WWOX: variants seen among roughly 807,000 people sequenced by gnomAD.
WWOX encodes WW domain-containing oxidoreductase.
A neutral mutation model predicts 46.2 loss-of-function variants in WWOX; 69 were observed. The observed-to-expected ratio is 1.49, with a 90% CI of 1.23 to 1.82. The LOEUF (loss-of-function observed/expected upper bound fraction) is 1.82. Among genes scored for constraint, WWOX ranks in the 40% most tolerant of loss-of-function variants. The pLI is 0.00. For missense variants in WWOX, 919 were observed against 542.6 expected (o/e 1.69, Z -6.89); for synonymous variants, 359 against 202.6 (o/e 1.77, Z -6.56).
At position 78,501,163 on chromosome 16, in the gene WWOX, A is replaced by G. The variant is rs181291714; in HGVS notation, c.1056+68411A>G. 5.3e-3 allele frequency among the ~76,000 whole-genome samples: 634 copies of G among 120,348 alleles called. 5 individuals carry two copies. Among genetic ancestry groups the G allele is most frequent in the African/African-American group, 0.018 (606 of 33,936 alleles). The allele number at this position is 120,348 out of a possible 152,430, so 79.0% of individuals were successfully genotyped here. A position where few individuals can be genotyped will look rare whatever the true frequency, so the allele number is the denominator to read the frequency against. Reference sequence around the variant, plus strand: ...TGAACATAAATACCCTCACTGCAATACATGTTTTTCTTTCTCTCTCTTTCT... The same window carrying G: ...TGAACATAAATACCCTCACTGCAATGCATGTTTTTCTTTCTCTCTCTTTCT... On this transcript the variant is annotated intron_variant, in intron 8 of 8. Transcript: ENST00000566780.
At chr16:78,102,410 T>C (rs1371091404) in intron 1 of WWOX, among the ~76,000 whole-genome samples, 2 of 152,186 alleles carry the variant, frequency 1.3e-5, no homozygotes, top group African/African-American at 4.8e-5. Flanking sequence ...AAGCTTGGGC[T>C]CTGTTGGCAG....
At chr16:78,277,817 G>A (rs2079607585) in intron 5 of WWOX, among the ~76,000 whole-genome samples, 1 of 152,168 alleles carries the variant, frequency 6.6e-6, no homozygotes, top group Non-Finnish European at 1.5e-5. Context: ...GATACATTTT[G>A]AAATCTGGAA....
At chr16:78,586,182 C>T (rs893708518) in intron 8 of WWOX, among the ~76,000 whole-genome samples, 2 of 152,054 alleles carry the variant, frequency 1.3e-5, no homozygotes, top group African/African-American at 4.8e-5. Flanking sequence ...CATAGCGAGA[C>T]CCTGTTTCTT....
chr16:78,638,116 C>T (rs867595549), intron 8 of WWOX, among the ~76,000 whole-genome samples: 1 of 152,216 alleles, frequency 6.6e-6, no homozygotes, highest in Admixed American at 6.5e-5. Flanking sequence ...ATTCTAATAA[C>T]TGCCCAATAT....
chr16:78,545,677 G>A (rs111919597), intron 8 of WWOX, among the ~76,000 whole-genome samples: 1 of 152,286 alleles, frequency 6.6e-6, no homozygotes, highest in East Asian at 1.9e-4. Flanking sequence ...TGGCTAACAT[G>A]ACAAAATACC....
chr16:79,047,502 A>G (rs973177991), intron 8 of WWOX, among the ~76,000 whole-genome samples: 1 of 147,574 alleles, frequency 6.8e-6, no homozygotes, highest in Non-Finnish European at 1.5e-5. Flanking sequence ...TCGTTAATGC[A>G]CAAATACCTG....
At chr16:79,083,637 TAGGTTCGAAGGAAAACA>T (rs1159369600) in intron 8 of WWOX, among the ~76,000 whole-genome samples, 1 of 152,122 alleles carries the variant, frequency 6.6e-6, no homozygotes, top group Non-Finnish European at 1.5e-5. Flanking sequence ...ATAAGACAGT[TAGGTTCGAAGGAAAACA>T]AAGACAATTG....
intron 8 of WWOX, among the ~76,000 whole-genome samples, chr16:78,850,929 C>A (rs78240162): frequency 2.0e-4 from 30 of 152,134 alleles, no homozygotes; most frequent in African/African-American, 7.2e-4. Flanking sequence ...AATAAGGAAT[C>A]GGGATGGCAG....
intron 8 of WWOX, among the ~76,000 whole-genome samples, chr16:78,675,228 A>C (rs1258639966): frequency 6.6e-6 from 1 of 152,136 alleles, no homozygotes; most frequent in South Asian, 2.1e-4. Context: ...GACTCACTCA[A>C]GATCACGTGG....
At chr16:78,622,606 G>T (rs1260484147) in intron 8 of WWOX, among the ~76,000 whole-genome samples, 1 of 151,656 alleles carries the variant, frequency 6.6e-6, no homozygotes, top group Non-Finnish European at 1.5e-5. Context: ...CCCTAAGACG[G>T]CCCCAGTGAT....
intron 4 of WWOX, among the ~76,000 whole-genome samples, chr16:78,158,075 G>A (rs2034665087): frequency 1.3e-5 from 2 of 152,214 alleles, no homozygotes; most frequent in African/African-American, 4.8e-5. Context: ...AGCAACACAA[G>A]TGTGTCCAAC....
At chr16:78,335,494 A>G (rs530686915) in intron 5 of WWOX, among the ~76,000 whole-genome samples, 3 of 152,278 alleles carry the variant, frequency 2.0e-5, no homozygotes, top group South Asian at 4.1e-4. Flanking sequence ...TCCATGGTAT[A>G]TATGTACCAT....
chr16:78,120,259 C>A (rs1286330936), intron 4 of WWOX, among the ~76,000 whole-genome samples: 2 of 152,080 alleles, frequency 1.3e-5, no homozygotes, highest in Non-Finnish European at 2.9e-5. Context: ...ATTTGTTTTC[C>A]TTGAAACAAA....
chr16:79,070,828 C>T (rs1368221911), intron 8 of WWOX, among the ~76,000 whole-genome samples: 3 of 152,144 alleles, frequency 2.0e-5, no homozygotes, highest in African/African-American at 7.2e-5. Flanking sequence ...ATTAGTGATT[C>T]TATATTGGTG....
intron 8 of WWOX, among the ~76,000 whole-genome samples, chr16:78,677,964 T>A (rs1329411957): frequency 2.6e-5 from 4 of 152,216 alleles, no homozygotes; most frequent in African/African-American, 9.6e-5. Flanking sequence ...AGGGATGACA[T>A]CCTTAGCCAC....
chr16:78,738,060 C>G (rs1044992770), intron 8 of WWOX, among the ~76,000 whole-genome samples: 2 of 152,186 alleles, frequency 1.3e-5, no homozygotes, highest in Non-Finnish European at 2.9e-5. Flanking sequence ...AGGTGGGCTC[C>G]TAAGTGGCAG....
chr16:78,388,217 C>T (rs1353781070), intron 6 of WWOX, among the ~76,000 whole-genome samples: 1 of 152,128 alleles, frequency 6.6e-6, no homozygotes, highest in East Asian at 1.9e-4. Flanking sequence ...TTTTAGTAGA[C>T]ATAGGGTTTC....
chr16:79,152,526 C>T (rs1303953546), intron 8 of WWOX, among the ~76,000 whole-genome samples: 3 of 152,020 alleles, frequency 2.0e-5, no homozygotes, highest in African/African-American at 7.2e-5. Flanking sequence ...CAAAAATTAG[C>T]TGGGCGTGGT....
At chr16:78,560,010 G>C (rs17640190) in intron 8 of WWOX, among the ~76,000 whole-genome samples, 1 of 152,182 alleles carries the variant, frequency 6.6e-6, no homozygotes, top group Admixed American at 6.5e-5. Flanking sequence ...TTGCTTCAGA[G>C]AAATTAGTGA....
Sources: allele counts gnomAD v4.1 joint callset (sites outside exome capture counted in the v4.1 genomes callset), GRCh38; gene constraint gnomAD v4.1.1; transcripts MANE v1.5; gene names NCBI Gene and HGNC (gene_info 2026-07-23, HGNC 2026-07-21).